Variants in NR2F6 observed in about 807,000 individuals in gnomAD.
The protein encoded by NR2F6 is nuclear receptor subfamily 2 group F member 6.
NR2F6 carries 16 observed loss-of-function variants against 26.5 expected under a neutral mutation model. The observed-to-expected ratio is 0.60, with a 90% confidence interval of 0.41 to 0.92. The LOEUF (loss-of-function observed/expected upper bound fraction) is 0.92. Ranked by LOEUF, NR2F6 falls within the 40% of genes least tolerant of loss-of-function variation. NR2F6 has a pLI of 0.00. For synonymous variants in NR2F6, 325 were observed against 305.0 expected (o/e 1.07, Z -0.68); for missense variants, 536 against 631.7 (o/e 0.85, Z 1.62).
At chr19:17,244,516 C>G in intron 1 of NR2F6, 1 of 184,116 alleles carries the variant, frequency 5.4e-6, no homozygotes, top group Non-Finnish European at 1.1e-5. Flanking sequence ...AGACAATGGC[C>G]CCTGGACGCT....
chr19:17,234,451 A>C (rs1186677267), intron 3 of NR2F6, among the ~76,000 whole-genome samples: 4 of 152,096 alleles, frequency 2.6e-5, no homozygotes, highest in Non-Finnish European at 4.4e-5. Flanking sequence ...TTATCAAATG[A>C]AAGCCACCTC....
chr19:17,233,337 AAACAAAAC>A (rs1296340147), intron 3 of NR2F6, among the ~76,000 whole-genome samples: 1 of 151,492 alleles, frequency 6.6e-6, no homozygotes, highest in African/African-American at 2.4e-5. Context: ...AAACAAAACA[AAACAAAAC>A]AAAAAACGAC....
intron 3 of NR2F6, among the ~76,000 whole-genome samples, chr19:17,233,006 A>T (rs1214778405): frequency 1.3e-5 from 2 of 152,174 alleles, no homozygotes; most frequent in African/African-American, 4.8e-5. Flanking sequence ...ATAATTAGCC[A>T]GGCATGGTAG....
At chr19:17,240,287 CAA>C (rs2073462072) in intron 2 of NR2F6, among the ~76,000 whole-genome samples, 2 of 152,144 alleles carry the variant, frequency 1.3e-5, no homozygotes, top group Non-Finnish European at 1.5e-5. Flanking sequence ...CGCTAGCAGA[CAA>C]GAGGTCACCA....
chr19:17,235,983 C>G lies in NR2F6; in HGVS notation c.456G>C (p.Ala152=). The change falls in exon 3 of 4, where the codon GCG becomes GCC. Residue 152 remains alanine (A), a synonymous_variant. Transcript: ENST00000291442. The surrounding 1 kb of genome is among the most constrained non-coding windows in gnomAD (Gnocchi z 5.0). ...AGAGGTCTCCGCCGCTCGCCACTGC[C>G]GCCAGCGCCGAGCCCGGGGGGCTGC... ...SSGSPPGSAL[A]AVASGGDLFP... 1.4e-6 allele frequency: 2 copies of G among 1,452,498 alleles called. No individual in the cohort carries two copies. The highest frequency in any genetic ancestry group is 1.8e-6 in the Non-Finnish European group (2 of 1,107,516). The allele number at this position is 1,452,498 out of a possible 1,614,324, so 90.0% of individuals were successfully genotyped here.
At chr19:17,234,171 C>T (rs997393441) in intron 3 of NR2F6, among the ~76,000 whole-genome samples, 41 of 149,480 alleles carry the variant, frequency 2.7e-4, no homozygotes, top group Non-Finnish European at 5.3e-4. Flanking sequence ...TGCAGTGAGC[C>T]GAGATCGTGC....
At chr19:17,244,119 G>A (rs893115758) in intron 1 of NR2F6, 1 of 152,274 alleles carries the variant, frequency 6.6e-6, no homozygotes, top group African/African-American at 2.4e-5. Flanking sequence ...TGCCAGAGAG[G>A]TCTCCGACCT....
chr19:17,245,327 G>T lies in NR2F6; in HGVS notation c.-107C>A. 1 of 1,009,634 alleles carries T rather than the reference G, an allele frequency of 9.9e-7. No individual in the cohort carries two copies. Among genetic ancestry groups the T allele is most frequent in the Non-Finnish European group, 1.2e-6 (1 of 804,426 alleles). The allele number at this position is 1,009,634 out of a possible 1,614,324, so 62.5% of individuals were successfully genotyped here. ...GCGCGCATTCGGCCCCGGCGCGCGG[G>T]GGGCACGGGCTGCACCCCCCAAAAA... On this transcript the variant is annotated 5_prime_UTR_variant, in exon 1 of 4. Coordinates refer to ENST00000291442, the MANE Select transcript of NR2F6 (RefSeq NM_005234.4). The surrounding 1 kb of genome is among the most constrained non-coding windows in gnomAD (Gnocchi z 5.0).
chr19:17,238,788 C>G (rs1307064688), intron 2 of NR2F6, among the ~76,000 whole-genome samples: 1 of 152,186 alleles, frequency 6.6e-6, no homozygotes, highest in Non-Finnish European at 1.5e-5. Flanking sequence ...CAGCTTTACG[C>G]CAAGTATGGT....
At position 17,245,553 on chromosome 19, in the gene NR2F6, C is replaced by G. The variant is rs1015525713; in HGVS notation, c.-333G>C. 1 of 146,614 alleles carries G rather than the reference C, an allele frequency of 6.8e-6. No homozygotes were observed. Among genetic ancestry groups the G allele is most frequent in the Non-Finnish European group, 1.5e-5 (1 of 65,896 alleles). The allele number at this position is 146,614 out of a possible 1,614,324, so 9.1% of individuals were successfully genotyped here. On this transcript the variant is annotated 5_prime_UTR_variant, in exon 1 of 4. Coordinates refer to ENST00000291442, the MANE Select transcript of NR2F6 (RefSeq NM_005234.4). This position sits in a 1 kb window ranked among gnomAD's most constrained non-coding sequence, Gnocchi z 5.0. ...GGGGGCGCGCGGGCCATGGCCCGGC[C>G]CGAGCCGCGCAGGGGGCGTCCTCTG...
Position 17,232,173 on chromosome 19 carries a change from T to C in NR2F6, c.*179A>G, listed in dbSNP as rs2073410798. On this transcript the variant is annotated 3_prime_UTR_variant, in exon 4 of 4. Transcript: ENST00000291442. ...TGAGGCCTGGATGATCAGTCTCTTT[T>C]TGGTTTCATGATCATTTAAAAAACA... The C allele has an allele frequency of 1.1e-6, 1 of 893,422 alleles. No homozygotes were observed. The highest frequency in any genetic ancestry group is 3.0e-5 in the Admixed American group (1 of 33,830). 55.3% of individuals were successfully genotyped at this position (893,422 alleles called of 1,614,324 possible). A position where few individuals can be genotyped will look rare whatever the true frequency, so the allele number is the denominator to read the frequency against.
Position 17,239,744 on chromosome 19 carries a change from G to A in NR2F6, c.373+927C>T, listed in dbSNP as rs1051625308. On this transcript the variant is annotated intron_variant, in intron 2 of 3. Coordinates refer to ENST00000291442, the MANE Select transcript of NR2F6 (RefSeq NM_005234.4). ...TGAGGCAGGACAATCACTTGAACCC[G>A]GGAGGCGGAGGCTGCAGTGAGCTGA... Among the ~76,000 whole-genome samples the A allele has an allele frequency of 3.3e-5, 5 of 151,930 alleles. No homozygotes were observed. The South Asian group carries it at 6.2e-4, about 19-fold the overall frequency.
intron 3 of NR2F6, among the ~76,000 whole-genome samples, chr19:17,233,372 G>A (rs1012051117): frequency 9.2e-5 from 14 of 152,176 alleles, no homozygotes; most frequent in Non-Finnish European, 1.3e-4. Flanking sequence ...ATGCAAATGG[G>A]ACTATCTAAG....
intron 3 of NR2F6, among the ~76,000 whole-genome samples, chr19:17,234,462 C>G (rs2073424840): frequency 6.6e-6 from 1 of 152,084 alleles, no homozygotes; most frequent in African/African-American, 2.4e-5. Flanking sequence ...AAGCCACCTC[C>G]CAGAGTAGCC....
chr19:17,233,311 CA>C (rs1568315877), intron 3 of NR2F6, among the ~76,000 whole-genome samples: 290 of 145,190 alleles, frequency 2.0e-3, no homozygotes, highest in Non-Finnish European at 3.0e-3. Flanking sequence ...GACCCTGTCT[CA>C]AACAAAACAA....
Position 17,231,903 on chromosome 19 carries a change from T to C in NR2F6, c.*449A>G, listed in dbSNP as rs1286961604. 6.1e-6 allele frequency: 1 copy of C among 164,100 alleles called. No individual in the cohort carries two copies. Among genetic ancestry groups the C allele is most frequent in the East Asian group, 1.9e-4 (1 of 5,362 alleles). 10.2% of individuals were successfully genotyped at this position (164,100 alleles called of 1,614,324 possible). A position where few individuals can be genotyped will look rare whatever the true frequency, so the allele number is the denominator to read the frequency against. On this transcript the variant is annotated 3_prime_UTR_variant, in exon 4 of 4. Transcript: ENST00000291442. ...GAGGCTGTGCAGGTAGGAAATGTCT[T>C]TATTATTGGCCTTGAGTCATCATGT...
At chr19:17,233,065 T>G (rs887938192) in intron 3 of NR2F6, among the ~76,000 whole-genome samples, 3 of 152,180 alleles carry the variant, frequency 2.0e-5, no homozygotes, top group African/African-American at 7.2e-5. Context: ...GAGGATCGCT[T>G]GAGCCTGGGA....
chr19:17,244,214 G>C (rs1011877894), intron 1 of NR2F6: 7 of 152,302 alleles, frequency 4.6e-5, no homozygotes, highest in African/African-American at 1.7e-4. Context: ...TTTTCCAGGA[G>C]CCCCAGGTCT....
intron 1 of NR2F6, among the ~76,000 whole-genome samples, chr19:17,241,680 G>C (rs573052540): frequency 1.4e-4 from 21 of 149,930 alleles, no homozygotes; most frequent in African/African-American, 4.8e-4. Context: ...TGGACACCCA[G>C]GGGACACACA....
Sources: allele counts gnomAD v4.1 joint callset (sites outside exome capture counted in the v4.1 genomes callset), GRCh38; gene constraint gnomAD v4.1.1; non-coding constraint Gnocchi (gnomAD v3.1); transcripts MANE v1.5; gene names NCBI Gene and HGNC (gene_info 2026-07-23, HGNC 2026-07-21).